PASK: variants seen among roughly 807,000 people sequenced by gnomAD.
The protein encoded by PASK is PAS domain-containing serine/threonine-protein kinase.
PASK carries 110 observed loss-of-function variants against 121.0 expected under a neutral mutation model. The observed-to-expected ratio is 0.91, with a 90% CI of 0.78 to 1.06. The LOEUF (loss-of-function observed/expected upper bound fraction) is 1.06, where lower values mean the gene tolerates loss of function less well. Among genes scored for constraint, PASK ranks in the 50% least tolerant of loss-of-function variants. PASK has a pLI of 0.00. For missense variants in PASK, 1,643 were observed against 1,702.3 expected, an observed-to-expected ratio of 0.97 and a Z score of 0.61; for synonymous variants, 686 against 717.8, an observed-to-expected ratio of 0.96 and a Z score of 0.71.
chr2:241,116,453 C>T (rs1022590289), intron 12 of PASK, among the ~76,000 whole-genome samples: 4 of 152,220 alleles, frequency 2.6e-5, no homozygotes, highest in African/African-American at 9.7e-5. Context: ...GGCCTCAGGG[C>T]ATGTGCCCCG....
chr2:241,133,212 C>T, intron 8 of PASK, 182 bp from the exon 9 acceptor site: 2 of 675,670 alleles, frequency 3.0e-6, no homozygotes, highest in South Asian at 1.6e-5. Context: ...TCTCCCTGCT[C>T]CTTGGCCCAG....
chr2:241,133,398 C>T (rs1199220060), intron 8 of PASK: 1 of 363,734 alleles, frequency 2.7e-6, no homozygotes, highest in Non-Finnish European at 5.3e-6. Flanking sequence ...GCCTCCCTGC[C>T]ATATCTGAAG....
rs2064882700 is a variant in PASK at position 241,106,465 on chromosome 2, G to C, written c.*101C>G. 8.2e-7 allele frequency: 1 copy of C among 1,214,612 alleles called. No individual in the cohort carries two copies. The highest frequency in any genetic ancestry group is 1.5e-5 in the African/African-American group (1 of 67,252). 75.2% of individuals were successfully genotyped at this position (1,214,612 alleles called of 1,614,324 possible). ...ACCTGCACATGAGTTTTTAGAAGGTGAATTGGGGATGCTTCAGAATGTATT... is the reference window on the plus strand; with the variant it reads ...ACCTGCACATGAGTTTTTAGAAGGTCAATTGGGGATGCTTCAGAATGTATT... On this transcript the variant is annotated 3_prime_UTR_variant, in exon 18 of 18. Coordinates refer to ENST00000234040, the MANE Select transcript of PASK (RefSeq NM_015148.4).
rs535741942 is a variant in PASK, at chr2:241,131,903, A to T, written c.1463+971T>A. Among the ~76,000 whole-genome samples, 5 of 151,920 alleles carry T rather than the reference A, an allele frequency of 3.3e-5. No homozygotes were observed. The South Asian group carries it at 1.0e-3, about 32-fold the overall frequency. On this transcript the variant is annotated intron_variant, in intron 9 of 17. Coordinates refer to ENST00000234040, the MANE Select transcript of PASK (RefSeq NM_015148.4). ...ACCCCGCCTCTAGTAAAAATACAAA[A>T]ATTAGCCGGGCGTGGTGGCAGGTGC...
chr2:241,136,012 AGAAACCAGGAATCAG>A lies in PASK; in HGVS notation c.1150_1164del (p.Leu384_Phe388del). 2 of 1,614,126 alleles carry A rather than the reference AGAAACCAGGAATCAG, an allele frequency of 1.2e-6. No homozygotes were observed. Among genetic ancestry groups the A allele is most frequent in the Non-Finnish European group, 1.7e-6 (2 of 1,179,928 alleles). ...TTGTACGCAAGGTCCATGTAGCTGT[AGAAACCAGGAATCAG>A]GAAAGTGATATTCTAGAAAACAAAG... On this transcript the variant is annotated inframe_deletion, in exon 8 of 18. Coordinates refer to ENST00000234040, the MANE Select transcript of PASK (RefSeq NM_015148.4).
Position 241,140,681 on chromosome 2 carries a change from G to T in PASK, c.269C>A (p.Pro90His). The T allele has an allele frequency of 6.2e-7, 1 of 1,614,148 alleles. No homozygotes were observed. Among genetic ancestry groups the T allele is most frequent in the Non-Finnish European group, 8.5e-7 (1 of 1,179,974 alleles). Reference sequence around the variant, plus strand: ...CGGGTCCGTGTGCTCAGGGGCAGCAGGGCAGTGCAGTTTACTTGTACAAAT... The same window carrying T: ...CGGGTCCGTGTGCTCAGGGGCAGCATGGCAGTGCAGTTTACTTGTACAAAT... ...QNICTSKLHC[P>H]AAPEHTDPSE... Residue 90 changes from proline to histidine, a missense_variant, in exon 3 of 18, where the codon CCT (proline) becomes CAT (histidine). Around this residue, in one of 3 missense-constraint regions of PASK, gnomAD observed 1,176 missense variants for 1,162.2 expected, o/e 1.01. Coordinates refer to ENST00000234040, the MANE Select transcript of PASK (RefSeq NM_015148.4).
chr2:241,136,862 C>T (rs1174835868), intron 7 of PASK, 142 bp downstream of exon 7: 1 of 758,770 alleles, frequency 1.3e-6, no homozygotes, highest in African/African-American at 1.7e-5. Flanking sequence ...ACCTCCCTCC[C>T]TGGACCCAAG....
Position 241,107,382 on chromosome 2 carries a change from C to T in PASK, c.3785G>A (p.Trp1262Ter), listed in dbSNP as rs777330368. 1.9e-6 allele frequency: 3 copies of T among 1,613,922 alleles called. No homozygotes were observed. In the Admixed American group the frequency reaches 5.0e-5, roughly 27 times the overall value. ...CTTGTTTACTCGAAACACCTCTTCCCATGTATAGTCAGCAAGATTCACAGG... is the reference window on the plus strand; with the variant it reads ...CTTGTTTACTCGAAACACCTCTTCCTATGTATAGTCAGCAAGATTCACAGG... ...TQPVNLADYT[W>*]EEVFRVNKPE... The change falls in exon 17 of 18, where the codon TGG (tryptophan) becomes TAG (stop). Residue 1262 changes from tryptophan (W) to a stop codon, truncating the protein, a stop_gained. Transcript: ENST00000234040. LOFTEE classifies it low-confidence loss of function (END_TRUNC).
At position 241,115,277 on chromosome 2, in the gene PASK, G is replaced by A. The variant is rs1251200610; in HGVS notation, c.3198+11C>T. The A allele has an allele frequency of 1.2e-6, 2 of 1,613,896 alleles. No individual in the cohort carries two copies. The highest frequency in any genetic ancestry group is 1.7e-6 in the Non-Finnish European group (2 of 1,179,948). On this transcript the variant is annotated intron_variant, in intron 13 of 17. Transcript: ENST00000234040. ...GCCAAGTTAGGGTATCTCTGAAGAG[G>A]AAACCATCACCTTGATGATATTGGC...
At chr2:241,106,859 A>C (rs2125397181) in intron 17 of PASK, 136 bp from the exon 18 acceptor site, 1 of 852,300 alleles carries the variant, frequency 1.2e-6, no homozygotes, top group East Asian at 2.6e-5. Context: ...ATGTCCCGGA[A>C]GTACAGATCC....
At chr2:241,133,160 G>C (rs2066247129) in intron 8 of PASK, 130 bp from the exon 9 acceptor site, 1 of 898,316 alleles carries the variant, frequency 1.1e-6, no homozygotes, top group African/African-American at 1.6e-5. Context: ...CACCACCCCA[G>C]GCGTCCCAGG....
rs376133084 is a variant in PASK, at chr2:241,139,936, G to A, written c.549C>T (p.Ser183=). ...RSDSDVVEAL[S]EEHMEADGHA... ...GGCCGTCGGCCTCCATGTGCTCCTCGCTGAGGGCCTCCACCACATCAGAAT... is the reference window on the plus strand; with the variant it reads ...GGCCGTCGGCCTCCATGTGCTCCTCACTGAGGGCCTCCACCACATCAGAAT... Residue 183 remains serine (S), a synonymous_variant, in exon 4 of 18, where the codon AGC becomes AGT. Transcript: ENST00000234040. The A allele has an allele frequency of 1.1e-5, 17 of 1,613,970 alleles. No individual in the cohort carries two copies. The highest frequency in any genetic ancestry group is 6.7e-5 in the Admixed American group (4 of 60,004).
chr2:241,137,877 G>T (rs2066513376), intron 6 of PASK, 76 bp downstream of exon 6: 3 of 1,530,814 alleles, frequency 2.0e-6, no homozygotes, highest in East Asian at 4.5e-5. Context: ...AGAAACCCTT[G>T]GTCTGCGTCT....
chr2:241,149,646 A>G, upstream of PASK: 1 of 1,540,700 alleles, frequency 6.5e-7, no homozygotes, highest in East Asian at 2.4e-5. Context: ...CCAAAGGAAT[A>G]ATGGGCGCCT....
chr2:241,117,000 G>C (rs1436631167), intron 12 of PASK, among the ~76,000 whole-genome samples: 7 of 152,226 alleles, frequency 4.6e-5, no homozygotes. Context: ...GCGCCTCGGG[G>C]AAGGCCCTCC....
At chr2:241,136,933 G>C in intron 7 of PASK, 71 bp downstream of exon 7, 1 of 1,447,726 alleles carries the variant, frequency 6.9e-7, no homozygotes, top group Non-Finnish European at 9.6e-7. Context: ...TGTGCCACAC[G>C]CAAGCCCGCA....
rs753287024 is a variant in PASK, at chr2:241,138,001, G to T, written c.828C>A (p.Asp276Glu). ...GEDVAGQHIT[D>E]LIPSVQLPPS... ...GAGGGAGCTGCACAGAAGGGATCAG[G>T]TCTGTGATATGCTGCCCAGCCACGT... The change falls in exon 6 of 18, where the codon GAC (aspartate) becomes GAA (glutamate). Residue 276 changes from aspartate to glutamate, a missense_variant. Coordinates refer to ENST00000234040, the MANE Select transcript of PASK (RefSeq NM_015148.4). 6.2e-7 allele frequency: 1 copy of T among 1,614,138 alleles called. No homozygotes were observed. Among genetic ancestry groups the T allele is most frequent in the Non-Finnish European group, 8.5e-7 (1 of 1,179,954 alleles).
At chr2:241,140,136 T>C (rs1030366152) in intron 3 of PASK, 81 bp from the exon 4 acceptor site, 5 of 1,123,910 alleles carry the variant, frequency 4.4e-6, no homozygotes, top group Middle Eastern at 1.9e-4. Flanking sequence ...AGGACGACCA[T>C]GCAGAAGCCA....
At chr2:241,128,223 T>C (rs2065965775) in intron 9 of PASK, among the ~76,000 whole-genome samples, 1 of 152,130 alleles carries the variant, frequency 6.6e-6, no homozygotes, top group South Asian at 2.1e-4. Context: ...GAGGTTGCAG[T>C]GAGCTGAGAT....
Sources: gnomAD v4.1 joint callset for allele counts (sites outside exome capture counted in the v4.1 genomes callset) on GRCh38, gnomAD v4.1.1 for gene constraint, gnomAD v4.1.1 regional missense constraint, MANE v1.5 for transcripts, NCBI Gene and HGNC (gene_info 2026-07-23, HGNC 2026-07-21) for gene names.